SBF2: variants seen among roughly 807,000 people sequenced by gnomAD.
SBF2 encodes SET binding factor 2.
In SBF2, 112 loss-of-function variants were observed where a neutral mutation model predicts 225.2. The observed-to-expected ratio is 0.50, with a 90% CI of 0.43 to 0.58. The LOEUF is 0.58. SBF2 is among the 20% of genes least tolerant of loss of function. SBF2 has a pLI of 0.00. For synonymous variants in SBF2, 763 were observed against 773.3 expected (o/e 0.99, Z 0.22); for missense variants, 1,996 against 2,206.2 (o/e 0.90, Z 1.91).
intron 38 of SBF2, chr11:9,783,080 T>TCTAC (rs1852136164): frequency 7.2e-6 from 1 of 139,490 alleles, no homozygotes; most frequent in Non-Finnish European, 1.6e-5. Flanking sequence ...ACTGTATCTA[T>TCTAC]CTTTCATGTT....
chr11:10,293,458 G>A (rs1246469310), intron 1 of SBF2, among the ~76,000 whole-genome samples: 1 of 152,174 alleles, frequency 6.6e-6, no homozygotes, highest in African/African-American at 2.4e-5. Flanking sequence ...CCTAGAAAGG[G>A]GTAAAAGTGC....
intron 16 of SBF2, chr11:9,915,583 A>G (rs560294048): frequency 2.0e-5 from 3 of 152,200 alleles, no homozygotes; most frequent in African/African-American, 7.2e-5. Context: ...TTGCTACTGT[A>G]ATTTTTTTTG....
intron 2 of SBF2, among the ~76,000 whole-genome samples, chr11:10,184,201 A>T (rs985289816): frequency 2.0e-5 from 3 of 152,270 alleles, no homozygotes; most frequent in Admixed American, 1.3e-4. Flanking sequence ...CAGAAAAAAG[A>T]AATAAATTCA....
chr11:10,237,658 G>T (rs1959128650), intron 1 of SBF2, among the ~76,000 whole-genome samples: 1 of 152,144 alleles, frequency 6.6e-6, no homozygotes, highest in Non-Finnish European at 1.5e-5. Flanking sequence ...ATTAAATGAG[G>T]TTTGACGTGT....
At chr11:9,952,091 C>T (rs1182862596) in intron 16 of SBF2, among the ~76,000 whole-genome samples, 2 of 152,238 alleles carry the variant, frequency 1.3e-5, no homozygotes, top group Admixed American at 6.5e-5. Flanking sequence ...GGAAGGCAGG[C>T]TGCCAGAGTC....
At chr11:10,153,724 T>C (rs1955331785) in intron 2 of SBF2, among the ~76,000 whole-genome samples, 1 of 151,856 alleles carries the variant, frequency 6.6e-6, no homozygotes, top group African/African-American at 2.4e-5. Flanking sequence ...AAAAAATAAA[T>C]GAAAGCTGGT....
chr11:10,301,855 A>C (rs941313306), intron 1 of SBF2, among the ~76,000 whole-genome samples: 1 of 152,234 alleles, frequency 6.6e-6, no homozygotes, highest in Non-Finnish European at 1.5e-5. Context: ...ACCCTTTAGC[A>C]TATGTGTATG....
At chr11:10,289,774 C>T (rs767472130) in intron 1 of SBF2, among the ~76,000 whole-genome samples, 2 of 152,168 alleles carry the variant, frequency 1.3e-5, no homozygotes, top group Non-Finnish European at 2.9e-5. Context: ...CTCCCACTTC[C>T]GGCCCCAGAC....
intron 13 of SBF2, among the ~76,000 whole-genome samples, chr11:9,979,171 T>G (rs901102130): frequency 2.0e-5 from 3 of 152,218 alleles, no homozygotes; most frequent in Non-Finnish European, 4.4e-5. Flanking sequence ...TCTGAGCCAA[T>G]TAGCCCCACT....
At position 10,144,190 on chromosome 11, in the gene SBF2, T is replaced by C. The variant is rs140024183; in HGVS notation, c.141+49712A>G. Among the ~76,000 whole-genome samples the C allele has an allele frequency of 2.6e-3, 394 of 152,228 alleles. 4 individuals carry two copies. Among genetic ancestry groups the C allele is most frequent in the African/African-American group, 9.1e-3 (376 of 41,540 alleles). ...TAATTTTTAGCGCCCTATTTAGAAA[T>C]AAAAATTACATAATAGGTCAGGTGT... On this transcript the variant is annotated intron_variant, in intron 2 of 39. Transcript: ENST00000256190.
chr11:10,087,112 T>A (rs1951596765), intron 2 of SBF2, among the ~76,000 whole-genome samples: 1 of 152,194 alleles, frequency 6.6e-6, no homozygotes, highest in East Asian at 1.9e-4. Context: ...TCTTTTTTTT[T>A]GTTTGTTGTG....
At chr11:10,069,734 A>C (rs1950789213) in intron 2 of SBF2, among the ~76,000 whole-genome samples, 3 of 152,152 alleles carry the variant, frequency 2.0e-5, no homozygotes, top group Admixed American at 6.5e-5. Flanking sequence ...GGAATCACCA[A>C]ACTGTCTTCC....
At chr11:9,808,743 T>A in intron 31 of SBF2, 158 bp downstream of exon 31, 1 of 593,206 alleles carries the variant, frequency 1.7e-6, no homozygotes, top group East Asian at 3.2e-5. Context: ...GAGCTCATGG[T>A]ACGGAGTTTT....
intron 16 of SBF2, among the ~76,000 whole-genome samples, chr11:9,949,453 C>T (rs773306920): frequency 1.1e-4 from 17 of 152,098 alleles, no homozygotes; most frequent in Non-Finnish European, 2.5e-4. Flanking sequence ...TTTTACCAAA[C>T]ATGGAAGCTC....
intron 13 of SBF2, among the ~76,000 whole-genome samples, chr11:9,978,279 G>A (rs1029409118): frequency 1.6e-4 from 24 of 151,996 alleles, no homozygotes; most frequent in African/African-American, 4.8e-4. Context: ...TTGTCATCAC[G>A]GACTTCAGAA....
chr11:9,850,068 T>A lies in SBF2; in HGVS notation c.2761A>T (p.Thr921Ser). Residue 921 changes from threonine to serine, a missense_variant, in exon 22 of 40, where the codon ACC (threonine) becomes TCC (serine). By Grantham distance (58) the Thr-to-Ser change is moderately conservative (BLOSUM62 1). Transcript: ENST00000256190. Reference protein sequence around the residue: ...LLPAEGALFLTTYRILFRGTP... With the variant: ...LLPAEGALFLSTYRILFRGTP... ...CCTCTGAAGAGAATTCTGTATGTGG[T>A]GAGGAACAAGGCTCCTTCTGCTGGC... 3 of 1,614,094 alleles carry A rather than the reference T, an allele frequency of 1.9e-6. No homozygotes were observed. The highest frequency in any genetic ancestry group is 2.5e-6 in the Non-Finnish European group (3 of 1,179,992).
chr11:10,158,493 A>C (rs1440674434), intron 2 of SBF2, among the ~76,000 whole-genome samples: 1 of 152,184 alleles, frequency 6.6e-6, no homozygotes, highest in Non-Finnish European at 1.5e-5. Flanking sequence ...AACAGCCAAC[A>C]CTACAATTGA....
In SBF2 at chr11:10,030,121, T is replaced by C. The variant is rs186420307; in HGVS notation, c.403-246A>G. On this transcript the variant is annotated intron_variant, in intron 4 of 39. Transcript: ENST00000256190. ...CCATAATTTGTAAAACAGATGTTTGTGCTCTGATAACTACTCTAGCAAATC... is the reference window on the plus strand; with the variant it reads ...CCATAATTTGTAAAACAGATGTTTGCGCTCTGATAACTACTCTAGCAAATC... Among the ~76,000 whole-genome samples, 3 of 152,344 alleles carry C rather than the reference T, an allele frequency of 2.0e-5. No homozygotes were observed. The East Asian group carries it at 5.8e-4, about 29-fold the overall frequency.
intron 38 of SBF2, among the ~76,000 whole-genome samples, chr11:9,783,648 CA>C (rs1852179503): frequency 6.6e-6 from 1 of 152,170 alleles, no homozygotes; most frequent in East Asian, 1.9e-4. Flanking sequence ...CTAAGGATTG[CA>C]GAGGCTGCTA....
Sources: gnomAD v4.1 joint callset for allele counts (sites outside exome capture counted in the v4.1 genomes callset) on GRCh38, gnomAD v4.1.1 for gene constraint, MANE v1.5 for transcripts, NCBI Gene and HGNC (gene_info 2026-07-23, HGNC 2026-07-21) for gene names.